The following MRAS variants were observed in gnomAD, a reference collection of about 807,000 sequenced individuals.
MRAS encodes muscle RAS oncogene homolog.
MRAS carries 4 observed loss-of-function variants against 20.9 expected under a neutral mutation model. The observed-to-expected ratio is 0.19, with a 90% CI of 0.09 to 0.44. The LOEUF (loss-of-function observed/expected upper bound fraction) is 0.44, where lower values mean the gene tolerates loss of function less well. Ranked by LOEUF, MRAS falls within the 20% of genes least tolerant of loss-of-function variation. The probability of loss-of-function intolerance (pLI) is 0.99; values close to 1 mark genes in which losing one functional copy is unlikely to be tolerated. For missense variants in MRAS, 154 were observed against 277.5 expected (o/e 0.56, Z 3.16); for synonymous variants, 98 against 102.9 (o/e 0.95, Z 0.29).
chr3:138,387,372 C>T (rs771667376), intron 2 of MRAS, among the ~76,000 whole-genome samples: 7 of 152,226 alleles, frequency 4.6e-5, no homozygotes, highest in Non-Finnish European at 7.3e-5. Context: ...GTCCTCACCC[C>T]TCCTTTTAGA....
chr3:138,376,088 C>G (rs1490908038), intron 2 of MRAS, among the ~76,000 whole-genome samples: 3 of 152,146 alleles, frequency 2.0e-5, no homozygotes, highest in African/African-American at 7.2e-5. Flanking sequence ...GATTGTATCT[C>G]AATTTTAAAA....
At chr3:138,390,224 G>T (rs1490278804) in intron 2 of MRAS, among the ~76,000 whole-genome samples, 1 of 152,142 alleles carries the variant, frequency 6.6e-6, no homozygotes, top group Non-Finnish European at 1.5e-5. Flanking sequence ...GCTTGCCTTG[G>T]CATCTGAAAT....
intron 3 of MRAS, 128 bp from the exon 4 acceptor site, chr3:138,398,341 T>C (rs1392791948): frequency 2.7e-6 from 2 of 741,814 alleles, no homozygotes; most frequent in Non-Finnish European, 4.7e-6. Context: ...GGGAAGGGAC[T>C]GCAGTCCAGG....
chr3:138,352,453 T>C (rs1248531145), intron 1 of MRAS, among the ~76,000 whole-genome samples: 1 of 152,258 alleles, frequency 6.6e-6, no homozygotes, highest in African/African-American at 2.4e-5. Flanking sequence ...GTTGTTGTTA[T>C]ATTAAAAAAT....
chr3:138,400,245 G>T, intron 4 of MRAS: 1 of 317,788 alleles, frequency 3.1e-6, no homozygotes, highest in Non-Finnish European at 5.7e-6. Context: ...AAATGAAACA[G>T]TCTTTCATCT....
At chr3:138,356,994 C>G (rs534650110) in intron 1 of MRAS, among the ~76,000 whole-genome samples, 2 of 152,148 alleles carry the variant, frequency 1.3e-5, no homozygotes, top group Admixed American at 1.3e-4. Context: ...AGGAGGAAAT[C>G]AAAATAAAGA....
rs536541073 is a variant in MRAS at position 138,362,214 on chromosome 3, T to G, written c.-18-10652T>G. On this transcript the variant is annotated intron_variant, in intron 1 of 5. Transcript: ENST00000423968. ...GAGGCCCTTACCAACTCCTCGGTTC[T>G]GAGAGCCGCTTAGACCCACCAGGCT... 3.3e-5 allele frequency among the ~76,000 whole-genome samples: 5 copies of G among 152,324 alleles called. No individual in the cohort carries two copies. The South Asian group carries it at 1.0e-3, about 32-fold the overall frequency.
At chr3:138,376,303 G>T (rs116720193) in intron 2 of MRAS, among the ~76,000 whole-genome samples, 3 of 151,940 alleles carry the variant, frequency 2.0e-5, no homozygotes, top group African/African-American at 7.2e-5. Context: ...ATTGACACTA[G>T]TATCCACCCC....
intron 2 of MRAS, among the ~76,000 whole-genome samples, chr3:138,388,240 G>A (rs2055057734): frequency 6.6e-6 from 1 of 152,304 alleles, no homozygotes; most frequent in South Asian, 2.1e-4. Flanking sequence ...AGAAAGGGGA[G>A]CGCAAATTAA....
intron 2 of MRAS, among the ~76,000 whole-genome samples, chr3:138,395,034 C>T (rs540464169): frequency 6.6e-6 from 1 of 152,002 alleles, no homozygotes; most frequent in Non-Finnish European, 1.5e-5. Flanking sequence ...CTTTTTCTTT[C>T]TTTTTTATTT....
At chr3:138,374,106 G>A (rs548755277) in intron 2 of MRAS, among the ~76,000 whole-genome samples, 18 of 151,838 alleles carry the variant, frequency 1.2e-4, no homozygotes, top group Non-Finnish European at 2.4e-4. Context: ...TTACAGGCAC[G>A]CACCACCACA....
chr3:138,360,779 C>T (rs992833382), intron 1 of MRAS, among the ~76,000 whole-genome samples: 1 of 152,266 alleles, frequency 6.6e-6, no homozygotes, highest in East Asian at 1.9e-4. Context: ...CACGTTGGAG[C>T]GTCTCTGAGC....
rs576948348 is a variant in MRAS at position 138,395,181 on chromosome 3, C to T, written c.194-2143C>T. Reference sequence around the variant, plus strand: ...TCAGCCTCATGAGTAGCTGGGATTGCAGGCGCTCGACACCATGCCTGGCTA... The same window carrying T: ...TCAGCCTCATGAGTAGCTGGGATTGTAGGCGCTCGACACCATGCCTGGCTA... On this transcript the variant is annotated intron_variant, in intron 2 of 5. Coordinates refer to ENST00000423968, the MANE Select transcript of MRAS (RefSeq NM_001085049.3). 2.0e-5 allele frequency among the ~76,000 whole-genome samples: 3 copies of T among 152,026 alleles called. No individual in the cohort carries two copies. In the South Asian group the frequency reaches 6.2e-4, roughly 32 times the overall value.
chr3:138,368,530 TCAG>T (rs1222701304), intron 1 of MRAS, among the ~76,000 whole-genome samples: 1 of 152,120 alleles, frequency 6.6e-6, no homozygotes, highest in Non-Finnish European at 1.5e-5. Flanking sequence ...GGAGGAGTAT[TCAG>T]CACAGAAAAT....
chr3:138,397,561 C>G, intron 3 of MRAS, 84 bp downstream of exon 3: 9 of 1,408,866 alleles, frequency 6.4e-6, no homozygotes, highest in Non-Finnish European at 8.7e-6. Context: ...CTTTCTCTTT[C>G]TCTCTCTCTC....
At chr3:138,390,815 C>T (rs558859248) in intron 2 of MRAS, among the ~76,000 whole-genome samples, 5 of 152,214 alleles carry the variant, frequency 3.3e-5, no homozygotes, top group East Asian at 1.9e-4. Flanking sequence ...TTGTCCCTTC[C>T]GTTTCATCTG....
chr3:138,396,153 C>T (rs527355632), intron 2 of MRAS, among the ~76,000 whole-genome samples: 8 of 152,292 alleles, frequency 5.3e-5, no homozygotes, highest in Non-Finnish European at 8.8e-5. Context: ...GTAGCCAGAG[C>T]GGGAGAGAAG....
chr3:138,396,154 G>C (rs1034642727), intron 2 of MRAS, among the ~76,000 whole-genome samples: 1 of 152,206 alleles, frequency 6.6e-6, no homozygotes, highest in African/African-American at 2.4e-5. Context: ...TAGCCAGAGC[G>C]GGAGAGAAGA....
At chr3:138,376,585 AT>A (rs1202171851) in intron 2 of MRAS, among the ~76,000 whole-genome samples, 1 of 152,160 alleles carries the variant, frequency 6.6e-6, no homozygotes, top group African/African-American at 2.4e-5. Context: ...TAGCTATATT[AT>A]TTTTTTCTAA....
Sources: allele counts gnomAD v4.1 joint callset (sites outside exome capture counted in the v4.1 genomes callset), GRCh38; gene constraint gnomAD v4.1.1; transcripts MANE v1.5; gene names NCBI Gene and HGNC (gene_info 2026-07-23, HGNC 2026-07-21).